The following RAP1GAP variants were observed in gnomAD, a reference collection of about 807,000 sequenced individuals.
RAP1GAP encodes rap1 GTPase-activating protein 1.
A neutral mutation model predicts 87.2 loss-of-function variants in RAP1GAP; 35 were observed. The ratio of observed to expected loss-of-function variants is 0.40; its 90% CI spans 0.31 to 0.53. RAP1GAP has a LOEUF of 0.53. RAP1GAP is among the 20% of genes least tolerant of loss of function. The pLI is 0.48. For synonymous variants in RAP1GAP, 375 were observed against 363.9 expected (o/e 1.03, Z -0.35); for missense variants, 734 against 898.9 (o/e 0.82, Z 2.35).
In RAP1GAP at chr1:21,603,860, G is replaced by T; in HGVS notation, c.1429-947C>A. ...CTCTTCCACGGTTCCTATGCCTATG[G>T]CACTGCCCCGGCGTCCGAATCTACT... On this transcript the variant is annotated intron_variant, in intron 18 of 24. Coordinates refer to ENST00000374765, the MANE Select transcript of RAP1GAP (RefSeq NM_002885.4). The surrounding 1 kb of genome is among the most constrained non-coding windows in gnomAD (Gnocchi z 6.0). 1 of 1,599,404 alleles carries T rather than the reference G, an allele frequency of 6.3e-7. No homozygotes were observed. Among genetic ancestry groups the T allele is most frequent in the Middle Eastern group, 1.7e-4 (1 of 6,036 alleles).
rs1164835674 is a variant in RAP1GAP at position 21,609,189 on chromosome 1, G to A, written c.1072-253C>T. Among the ~76,000 whole-genome samples the A allele has an allele frequency of 6.6e-6, 1 of 152,116 alleles. No homozygotes were observed. The highest frequency in any genetic ancestry group is 1.5e-5 in the Non-Finnish European group (1 of 68,010). ...CTCCACAGATGTTAGGGTCTGGGTT[G>A]GGGTCTCAACCTACTGCTTCAGTCT... is the stretch of plus-strand genomic sequence containing the variant. On this transcript the variant is annotated intron_variant, in intron 15 of 24. Coordinates refer to ENST00000374765, the MANE Select transcript of RAP1GAP (RefSeq NM_002885.4). This position sits in a 1 kb window ranked among gnomAD's most constrained non-coding sequence, Gnocchi z 4.4.
At chr1:21,623,917 T>C (rs755209930) in intron 3 of RAP1GAP, among the ~76,000 whole-genome samples, 11 of 152,210 alleles carry the variant, frequency 7.2e-5, no homozygotes, top group Non-Finnish European at 1.6e-4. Flanking sequence ...CAGCCATGTG[T>C]GCGTGTGTGT....
Position 21,613,158 on chromosome 1 carries a change from G to T in RAP1GAP, c.528+18C>A. ...TACTCACCCACCCTCAGTGAGCTGT[G>T]CCCAGATCCAGCCATACCTTGGGGT... On this transcript the variant is annotated intron_variant, in intron 10 of 24. Coordinates refer to ENST00000374765, the MANE Select transcript of RAP1GAP (RefSeq NM_002885.4). This position sits in a 1 kb window ranked among gnomAD's most constrained non-coding sequence, Gnocchi z 4.7. 6.5e-7 allele frequency: 1 copy of T among 1,532,852 alleles called. No individual in the cohort carries two copies. The highest frequency in any genetic ancestry group is 9.0e-7 in the Non-Finnish European group (1 of 1,106,138). The allele number at this position is 1,532,852 out of a possible 1,614,324, so 95.0% of individuals were successfully genotyped here.
Position 21,613,558 on chromosome 1 carries a change from G to T in RAP1GAP, c.474+70C>A. 1 of 1,422,642 alleles carries T rather than the reference G, an allele frequency of 7.0e-7. No homozygotes were observed. 88.1% of individuals were successfully genotyped at this position (1,422,642 alleles called of 1,614,324 possible). ...CTACAGCTGAAGGGGACGCGCCAAG[G>T]CAAGCTGAAGCCCCACAGGTGCCCA... On this transcript the variant is annotated intron_variant, in intron 9 of 24. Transcript: ENST00000374765. This position sits in a 1 kb window ranked among gnomAD's most constrained non-coding sequence, Gnocchi z 4.7.
intron 2 of RAP1GAP, among the ~76,000 whole-genome samples, chr1:21,643,355 C>T (rs1012920686): frequency 6.6e-6 from 1 of 151,942 alleles, no homozygotes; most frequent in Non-Finnish European, 1.5e-5. Flanking sequence ...GTCAGGAGTT[C>T]GAGACCAGCC....
chr1:21,669,198 G>A lies in RAP1GAP; in HGVS notation c.-149+56C>T. On this transcript the variant is annotated intron_variant, in intron 1 of 24. Coordinates refer to ENST00000374765, the MANE Select transcript of RAP1GAP (RefSeq NM_002885.4). The surrounding 1 kb of genome is among the most constrained non-coding windows in gnomAD (Gnocchi z 5.6). ...TTCGCTGCGAGCCGACGGGAGTCTGGACACCTCTGTCCCCTTCCCCTTTCC... is the reference window on the plus strand; with the variant it reads ...TTCGCTGCGAGCCGACGGGAGTCTGAACACCTCTGTCCCCTTCCCCTTTCC... 1 of 1,245,172 alleles carries A rather than the reference G, an allele frequency of 8.0e-7. No homozygotes were observed. Among genetic ancestry groups the A allele is most frequent in the Non-Finnish European group, 1.0e-6 (1 of 970,752 alleles). The allele number at this position is 1,245,172 out of a possible 1,614,324, so 77.1% of individuals were successfully genotyped here. A position where few individuals can be genotyped will look rare whatever the true frequency, so the allele number is the denominator to read the frequency against.
intron 2 of RAP1GAP, among the ~76,000 whole-genome samples, chr1:21,643,232 T>C (rs2095689826): frequency 6.6e-6 from 1 of 152,140 alleles, no homozygotes; most frequent in African/African-American, 2.4e-5. Context: ...GATCCTGAAC[T>C]CAGAAGGCCT....
At chr1:21,602,940 C>A (rs756110289) in intron 18 of RAP1GAP, 27 bp from the exon 19 acceptor site, 12 of 1,546,364 alleles carry the variant, frequency 7.8e-6, no homozygotes, top group Admixed American at 1.7e-5. Context: ...CAACTCAGTG[C>A]CACCTTACCT....
chr1:21,606,107 A>G lies in RAP1GAP; in HGVS notation c.1387T>C (p.Phe463Leu). 1 of 1,588,914 alleles carries G rather than the reference A, an allele frequency of 6.3e-7. No homozygotes were observed. Among genetic ancestry groups the G allele is most frequent in the Non-Finnish European group, 8.6e-7 (1 of 1,167,946 alleles). ...NTVSTSHSGSFAPNNPDLAKA... is the reference protein window; with the variant it reads ...NTVSTSHSGSLAPNNPDLAKA... ...GCCAGGTCGGGGTTGTTGGGCGCGAAGCTCCCGCTGTGGCTGGTGGACACG... is the reference window on the plus strand; with the variant it reads ...GCCAGGTCGGGGTTGTTGGGCGCGAGGCTCCCGCTGTGGCTGGTGGACACG... Residue 463 changes from phenylalanine (F) to leucine (L), a missense_variant, in exon 18 of 25, where the codon TTC becomes CTC. Transcript: ENST00000374765.
rs2089112603 is a variant in RAP1GAP at position 21,622,542 on chromosome 1, C to G, written c.-18-2492G>C. 6.8e-6 allele frequency: 1 copy of G among 147,804 alleles called. No individual in the cohort carries two copies. The highest frequency in any genetic ancestry group is 1.5e-5 in the Non-Finnish European group (1 of 66,908). The allele number at this position is 147,804 out of a possible 1,614,324, so 9.2% of individuals were successfully genotyped here. On this transcript the variant is annotated intron_variant, in intron 3 of 24. Coordinates refer to ENST00000374765, the MANE Select transcript of RAP1GAP (RefSeq NM_002885.4). The surrounding 1 kb of genome is among the most constrained non-coding windows in gnomAD (Gnocchi z 5.7). ...CCGCGCTCCCGGCTCCCGGCGGCGGCGCTGCCTGCGATGGGCTCGCCCCAC... is the reference window on the plus strand; with the variant it reads ...CCGCGCTCCCGGCTCCCGGCGGCGGGGCTGCCTGCGATGGGCTCGCCCCAC...
At chr1:21,660,145 C>T (rs183391782) in intron 1 of RAP1GAP, among the ~76,000 whole-genome samples, 25 of 151,442 alleles carry the variant, frequency 1.7e-4, no homozygotes, top group African/African-American at 5.3e-4. Flanking sequence ...TCCTCACAAG[C>T]TTTAGCCTCA....
chr1:21,662,349 C>T (rs185066939), intron 1 of RAP1GAP, among the ~76,000 whole-genome samples: 360 of 152,212 alleles, frequency 2.4e-3, no homozygotes, highest in Non-Finnish European at 4.0e-3. Context: ...ATCTGTAAAA[C>T]GAGGGGGTTG....
chr1:21,629,228 G>A (rs1030816408), intron 2 of RAP1GAP, among the ~76,000 whole-genome samples: 10 of 152,166 alleles, frequency 6.6e-5, no homozygotes, highest in African/African-American at 1.2e-4. Context: ...GTAGAAGCCC[G>A]GTAAAGCTGG....
At chr1:21,608,402 GC>G (rs1204305953) in intron 16 of RAP1GAP, 52 bp from the exon 17 acceptor site, 2 of 1,584,570 alleles carry the variant, frequency 1.3e-6, no homozygotes, top group Non-Finnish European at 8.6e-7. Flanking sequence ...CAGCCCTTCG[GC>G]CCACAGTTCA....
chr1:21,608,025 T>C (rs990277487), intron 17 of RAP1GAP, among the ~76,000 whole-genome samples, 188 bp downstream of exon 17: 11 of 150,654 alleles, frequency 7.3e-5, no homozygotes, highest in African/African-American at 2.5e-4. Flanking sequence ...CAGACTCCAA[T>C]GCGAACGGCC....
rs559997419 is a variant in RAP1GAP, at chr1:21,613,679, G to A, written c.423C>T (p.Val141=). The A allele has an allele frequency of 6.2e-7, 1 of 1,613,612 alleles. No homozygotes were observed. The highest frequency in any genetic ancestry group is 1.3e-5 in the African/African-American group (1 of 75,038). The part of the protein sequence containing the change: ...LRTKCRTYHD[V]IPISCLTEFP... ...ACTCGGTGAGGCAGGAGATGGGGAT[G>A]ACATCATGGTATGTCCGGCACTTGG... Residue 141 remains valine, a synonymous_variant, in exon 9 of 25, where the codon GTC becomes GTT. Coordinates refer to ENST00000374765, the MANE Select transcript of RAP1GAP (RefSeq NM_002885.4). The surrounding 1 kb of genome is among the most constrained non-coding windows in gnomAD (Gnocchi z 4.7).
chr1:21,651,537 C>A, intron 1 of RAP1GAP: 1 of 675,460 alleles, frequency 1.5e-6, no homozygotes, highest in East Asian at 3.1e-5. Flanking sequence ...CTGCACTCAC[C>A]TCCCCACACA....
chr1:21,601,879 AG>A, intron 19 of RAP1GAP, 82 bp from the exon 20 acceptor site: 1 of 960,894 alleles, frequency 1.0e-6, no homozygotes, highest in Non-Finnish European at 1.5e-6. Context: ...CGGTGAGGGG[AG>A]TCACGGTGCC....
rs372115968 is a variant in RAP1GAP, at chr1:21,628,841, TCA to T, written c.-112-2446_-112-2445del. On this transcript the variant is annotated intron_variant, in intron 2 of 24. Transcript: ENST00000374765. ...AGGCAGAGTTTGCAGTGAGCTGAGATCACACCACTGCACTCCAGCCTGGGCTC... is the reference window on the plus strand; with the variant it reads ...AGGCAGAGTTTGCAGTGAGCTGAGATCACCACTGCACTCCAGCCTGGGCTC... Among the ~76,000 whole-genome samples the T allele has an allele frequency of 8.3e-4, 123 of 148,834 alleles. 1 individual carries two copies. The East Asian group carries it at 0.017, about 20-fold the overall frequency.
Sources: allele counts gnomAD v4.1 joint callset (sites outside exome capture counted in the v4.1 genomes callset), GRCh38; gene constraint gnomAD v4.1.1; non-coding constraint Gnocchi (gnomAD v3.1); transcripts MANE v1.5; gene names NCBI Gene and HGNC (gene_info 2026-07-23, HGNC 2026-07-21).